Variants in CNOT6 observed in about 807,000 individuals in gnomAD.
CNOT6 encodes carbon catabolite repression 4 protein.
CNOT6 carries 12 observed loss-of-function variants against 61.2 expected under a neutral mutation model. The observed-to-expected ratio is 0.20, with a 90% CI of 0.13 to 0.32. The LOEUF (loss-of-function observed/expected upper bound fraction) is 0.32, where lower values mean the gene tolerates loss of function less well. Among genes scored for constraint, CNOT6 ranks in the 10% least tolerant of loss-of-function variants. CNOT6 has a pLI of 1.00. For synonymous variants in CNOT6, 225 were observed against 240.6 expected (o/e 0.94, Z 0.60); for missense variants, 405 against 663.9 (o/e 0.61, Z 4.28).
At chr5:180,534,620 G>A (rs1276459825) in intron 2 of CNOT6, 3 of 152,720 alleles carry the variant, frequency 2.0e-5, no homozygotes, top group Admixed American at 6.6e-5. Context: ...GCGGGGGTCC[G>A]AGAGGCCCTC....
intron 1 of CNOT6, among the ~76,000 whole-genome samples, chr5:180,518,737 G>A (rs1464911784): frequency 6.6e-6 from 1 of 152,246 alleles, no homozygotes; most frequent in Admixed American, 6.5e-5. Context: ...CTGAGCTTGA[G>A]CAGGCCTCCT....
Position 180,574,203 on chromosome 5 carries a change from A to G in CNOT6, c.*3A>G, listed in dbSNP as rs1760909929. The G allele has an allele frequency of 6.2e-7, 1 of 1,610,342 alleles. No individual in the cohort carries two copies. The highest frequency in any genetic ancestry group is 1.3e-5 in the African/African-American group (1 of 74,806). Reference sequence around the variant, plus strand: ...TCCACCTTCCTGGCAGGAGGTAGTCAAGCACCTTCAGAGGACAGCCTTGAT... The same window carrying G: ...TCCACCTTCCTGGCAGGAGGTAGTCGAGCACCTTCAGAGGACAGCCTTGAT... On this transcript the variant is annotated 3_prime_UTR_variant, in exon 12 of 12. Transcript: ENST00000261951.
chr5:180,563,743 A>G lies in CNOT6; in HGVS notation c.386-746A>G, dbSNP rs529134121. On this transcript the variant is annotated intron_variant, in intron 4 of 11. Coordinates refer to ENST00000261951, the MANE Select transcript of CNOT6 (RefSeq NM_001370472.1). Reference sequence around the variant, plus strand: ...CCAGAATAATACACAATGCTTGTGTAGGATGGATAGGAACTTTGCTCCATG... The same window carrying G: ...CCAGAATAATACACAATGCTTGTGTGGGATGGATAGGAACTTTGCTCCATG... Among the ~76,000 whole-genome samples the G allele has an allele frequency of 2.0e-5, 3 of 152,344 alleles. No individual in the cohort carries two copies. The South Asian group carries it at 6.2e-4, about 32-fold the overall frequency.
chr5:180,553,327 A>C, intron 3 of CNOT6, 59 bp from the exon 4 acceptor site: 2 of 1,185,476 alleles, frequency 1.7e-6, no homozygotes, highest in Non-Finnish European at 2.5e-6. Flanking sequence ...TATGTTGTTG[A>C]TTTTAACTGT....
intron 4 of CNOT6, among the ~76,000 whole-genome samples, chr5:180,556,466 C>A (rs555726434): frequency 2.2e-4 from 33 of 152,274 alleles, no homozygotes; most frequent in African/African-American, 7.9e-4. Flanking sequence ...GTTGATTAGC[C>A]TGATTTGATC....
intron 4 of CNOT6, among the ~76,000 whole-genome samples, chr5:180,561,788 G>T (rs938314148): frequency 1.3e-5 from 2 of 152,290 alleles, no homozygotes; most frequent in Non-Finnish European, 2.9e-5. Context: ...CACCGCACTG[G>T]CGTGTCCTCT....
At chr5:180,562,143 C>A (rs1049061538) in intron 4 of CNOT6, among the ~76,000 whole-genome samples, 9 of 152,144 alleles carry the variant, frequency 5.9e-5, no homozygotes, top group African/African-American at 2.2e-4. Flanking sequence ...AAAAGTGAAC[C>A]CAGGGAACTC....
intron 1 of CNOT6, among the ~76,000 whole-genome samples, chr5:180,500,020 C>T (rs1412926421): frequency 6.6e-6 from 1 of 152,140 alleles, no homozygotes; most frequent in Non-Finnish European, 1.5e-5. Context: ...CATAAATAAA[C>T]AGGAAATATG....
At chr5:180,568,959 T>A (rs773621626) in intron 9 of CNOT6, 151 bp from the exon 10 acceptor site, 112 of 618,446 alleles carry the variant, frequency 1.8e-4, no homozygotes, top group Non-Finnish European at 2.9e-4. Flanking sequence ...CTCGGGTTTG[T>A]TGTAGGGCAC....
chr5:180,573,838 T>TTACA, intron 11 of CNOT6, 150 bp from the exon 12 acceptor site: 1 of 597,884 alleles, frequency 1.7e-6, no homozygotes, highest in Non-Finnish European at 3.0e-6. Context: ...GACCATTTGG[T>TTACA]GTATGTAGTA....
At chr5:180,526,114 G>A (rs1758091764) in intron 1 of CNOT6, among the ~76,000 whole-genome samples, 1 of 152,152 alleles carries the variant, frequency 6.6e-6, no homozygotes, top group African/African-American at 2.4e-5. Context: ...GTTTCTTCTT[G>A]ATAGTTTTTG....
At chr5:180,541,258 C>A (rs901461984) in intron 2 of CNOT6, among the ~76,000 whole-genome samples, 3 of 151,712 alleles carry the variant, frequency 2.0e-5, no homozygotes, top group Non-Finnish European at 4.4e-5. Context: ...CCTGCCTCAG[C>A]CTCCTGAGTA....
intron 1 of CNOT6, among the ~76,000 whole-genome samples, chr5:180,522,561 A>T (rs1757925100): frequency 6.6e-6 from 1 of 152,142 alleles, no homozygotes; most frequent in African/African-American, 2.4e-5. Context: ...AGTAATAGCC[A>T]TTCTGACTGG....
rs182202507 is a variant in CNOT6, at chr5:180,555,899, C to A, written c.385+2428C>A. On this transcript the variant is annotated intron_variant, in intron 4 of 11. Coordinates refer to ENST00000261951, the MANE Select transcript of CNOT6 (RefSeq NM_001370472.1). ...GAATGGCTGGCAGGCTTCACTTTTTCCCCCCACATTTTTAAATACTCTTCA... is the reference window on the plus strand; with the variant it reads ...GAATGGCTGGCAGGCTTCACTTTTTACCCCCACATTTTTAAATACTCTTCA... Among the ~76,000 whole-genome samples, 49 of 152,236 alleles carry A rather than the reference C, an allele frequency of 3.2e-4. 1 individual carries two copies. Among genetic ancestry groups the A allele is most frequent in the Admixed American group, 2.8e-3 (43 of 15,280 alleles).
chr5:180,546,681 A>G (rs1024040549), intron 2 of CNOT6, among the ~76,000 whole-genome samples: 13 of 152,132 alleles, frequency 8.5e-5, no homozygotes, highest in Admixed American at 7.9e-4. Context: ...CGTATTCACT[A>G]TTTCTGGTGT....
chr5:180,555,452 T>C (rs1014873674), intron 4 of CNOT6, among the ~76,000 whole-genome samples: 3 of 152,250 alleles, frequency 2.0e-5, no homozygotes, highest in African/African-American at 7.2e-5. Context: ...TCTAGACATC[T>C]GTGTTTATTT....
At chr5:180,548,970 G>C (rs967782456) in intron 2 of CNOT6, among the ~76,000 whole-genome samples, 2 of 152,162 alleles carry the variant, frequency 1.3e-5, no homozygotes, top group Admixed American at 6.5e-5. Flanking sequence ...CAGATTTACT[G>C]TTGCATTGAA....
At chr5:180,541,544 C>T (rs1460864258) in intron 2 of CNOT6, among the ~76,000 whole-genome samples, 5 of 149,406 alleles carry the variant, frequency 3.3e-5, no homozygotes, top group Admixed American at 1.3e-4. Flanking sequence ...CTCCGCCTCC[C>T]GGATTCACAG....
chr5:180,566,746 G>A (rs1455257746), intron 7 of CNOT6, among the ~76,000 whole-genome samples: 3 of 133,072 alleles, frequency 2.3e-5, no homozygotes, highest in African/African-American at 8.5e-5. Flanking sequence ...TGCAACCTCC[G>A]CCTCCTGGGT....
Sources: gnomAD v4.1 joint callset for allele counts (sites outside exome capture counted in the v4.1 genomes callset) on GRCh38, gnomAD v4.1.1 for gene constraint, MANE v1.5 for transcripts, NCBI Gene and HGNC (gene_info 2026-07-23, HGNC 2026-07-21) for gene names.